Variants in GIGYF2 observed in about 807,000 individuals in gnomAD.
GIGYF2 encodes the protein GRB10 interacting GYF protein 2.
In GIGYF2, 25 loss-of-function variants were observed where a neutral mutation model predicts 208.1. The ratio of observed to expected loss-of-function variants is 0.12; its 90% CI spans 0.09 to 0.17. GIGYF2 has a LOEUF of 0.17. Among genes scored for constraint, GIGYF2 ranks in the 10% least tolerant of loss-of-function variants. The pLI, the probability that GIGYF2 is intolerant of heterozygous loss-of-function variation, is 1.00. For synonymous variants in GIGYF2, 534 were observed against 543.8 expected (o/e 0.98, Z 0.25); for missense variants, 1,302 against 1,579.4 (o/e 0.82, Z 2.98).
intron 2 of GIGYF2, chr2:232,722,596 C>T (rs1696996330): frequency 6.6e-6 from 1 of 152,156 alleles, no homozygotes; most frequent in African/African-American, 2.4e-5. Context: ...GAATTGGAGA[C>T]TGGCACAGAA....
At chr2:232,789,671 G>T (rs283475) in intron 9 of GIGYF2, among the ~76,000 whole-genome samples, 51,187 of 151,826 alleles carry the variant, frequency 0.34, 8,983 homozygotes, top group South Asian at 0.62. Flanking sequence ...TTTTTGCAAA[G>T]TTTGTCTCAA....
At chr2:232,855,310 A>G (rs528604898) in intron 28 of GIGYF2, among the ~76,000 whole-genome samples, 1 of 151,564 alleles carries the variant, frequency 6.6e-6, no homozygotes, top group South Asian at 2.1e-4. Context: ...CTGGTCTCTA[A>G]CTCCTGGCCT....
intron 2 of GIGYF2, among the ~76,000 whole-genome samples, chr2:232,703,843 A>G (rs1336759553): frequency 6.6e-6 from 1 of 152,228 alleles, no homozygotes; most frequent in Non-Finnish European, 1.5e-5. Flanking sequence ...ACTTGTAGAT[A>G]GCACTTTTTT....
intron 8 of GIGYF2, among the ~76,000 whole-genome samples, chr2:232,772,805 A>G (rs140233969): frequency 6.6e-5 from 10 of 152,120 alleles, no homozygotes; most frequent in Non-Finnish European, 1.3e-4. Flanking sequence ...CCTGCCTTTT[A>G]ATGGGGCTTG....
At chr2:232,845,599 T>C in intron 25 of GIGYF2, 133 bp from the exon 26 acceptor site, 1 of 794,468 alleles carries the variant, frequency 1.3e-6, no homozygotes, top group Non-Finnish European at 2.1e-6. Context: ...ATTTTTTTCT[T>C]TTTTGGAGCC....
intron 14 of GIGYF2, among the ~76,000 whole-genome samples, chr2:232,797,981 CAAAAAAAAA>C (rs57991158): frequency 0.042 from 4,285 of 102,328 alleles, 236 homozygotes; most frequent in East Asian, 0.25. Context: ...ACTGTGCCTC[CAAAAAAAAA>C]AAAAAAAAAA....
chr2:232,851,904 G>T (rs1261045659), intron 28 of GIGYF2, among the ~76,000 whole-genome samples: 1 of 152,152 alleles, frequency 6.6e-6, no homozygotes, highest in Non-Finnish European at 1.5e-5. Flanking sequence ...TTTGGTAGTG[G>T]GGATGAAAAG....
intron 3 of GIGYF2, among the ~76,000 whole-genome samples, chr2:232,738,023 T>G (rs1415351962): frequency 6.6e-6 from 1 of 151,378 alleles, no homozygotes; most frequent in Admixed American, 6.6e-5. Context: ...TTCAAGTGAT[T>G]CTTCTCCCTC....
intron 8 of GIGYF2, chr2:232,768,223 A>G (rs1699055963): frequency 7.4e-6 from 12 of 1,614,004 alleles, no homozygotes; most frequent in African/African-American, 1.3e-5. Context: ...GAGATCTGAA[A>G]ATTGTCAATG....
At chr2:232,741,971 G>A (rs1407746511) in intron 3 of GIGYF2, among the ~76,000 whole-genome samples, 7 of 151,946 alleles carry the variant, frequency 4.6e-5, no homozygotes, top group Non-Finnish European at 8.8e-5. Context: ...CCCTTCCTCC[G>A]ACTCTCTTTC....
chr2:232,710,466 C>G (rs1696338688), intron 2 of GIGYF2, among the ~76,000 whole-genome samples: 2 of 152,144 alleles, frequency 1.3e-5, no homozygotes, highest in South Asian at 4.1e-4. Context: ...TTAAACCCAG[C>G]AAATGTTTAA....
intron 21 of GIGYF2, among the ~76,000 whole-genome samples, chr2:232,831,100 T>A (rs1180652757): frequency 6.6e-6 from 1 of 152,174 alleles, no homozygotes; most frequent in East Asian, 1.9e-4. Flanking sequence ...GGTACACGTA[T>A]TGCCAACAGT....
Position 232,791,404 on chromosome 2 carries a change from A to G in GIGYF2, c.1240A>G (p.Met414Val), listed in dbSNP as rs1330024342. The G allele has an allele frequency of 1.2e-6, 2 of 1,613,966 alleles. No homozygotes were observed. Among genetic ancestry groups the G allele is most frequent in the Non-Finnish European group, 1.7e-6 (2 of 1,180,002 alleles). The change falls in exon 12 of 29, where the codon ATG becomes GTG. Residue 414 changes from methionine (M) to valine (V), a missense_variant. By Grantham distance (21) the Met-to-Val change is conservative (BLOSUM62 1). Around this residue, in one of 8 missense-constraint regions of GIGYF2, gnomAD observed 235 missense variants for 218.8 expected, o/e 1.07. Transcript: ENST00000373563. ...GGAAAAAGCTGAAGAGGAGACTCGG[A>G]TGGAAAATAGTCTACCAGCCAAAGT... ...QTEKAEEETR[M>V]ENSLPAKVPS...
chr2:232,708,513 G>C (rs561454781), intron 2 of GIGYF2, among the ~76,000 whole-genome samples: 5 of 152,134 alleles, frequency 3.3e-5, no homozygotes, highest in South Asian at 2.1e-4. Context: ...AAGCTTGAGG[G>C]CTTTTGAACA....
At chr2:232,788,657 G>T (rs1699987282) in intron 9 of GIGYF2, 1 of 433,946 alleles carries the variant, frequency 2.3e-6, no homozygotes, top group African/African-American at 2.0e-5. Context: ...CTATTAAAGG[G>T]AGTTTAACAA....
In GIGYF2 at chr2:232,768,231, A is replaced by G. The variant is rs545594184; in HGVS notation, c.532+6795A>G. 93 of 1,614,138 alleles carry G rather than the reference A, an allele frequency of 5.8e-5. No individual in the cohort carries two copies. The highest frequency in any genetic ancestry group is 1.1e-4 in the East Asian group (5 of 44,880). Reference sequence around the variant, plus strand: ...TGTTTCAGAGATCTGAAAATTGTCAATGCTTTGTCCATTGATGTGGATATC... The same window carrying G: ...TGTTTCAGAGATCTGAAAATTGTCAGTGCTTTGTCCATTGATGTGGATATC... On this transcript the variant is annotated intron_variant, in intron 8 of 28. Coordinates refer to ENST00000373563, the MANE Select transcript of GIGYF2 (RefSeq NM_001103146.3).
At position 232,816,947 on chromosome 2, in the gene GIGYF2, G is replaced by A. The variant is rs759679922; in HGVS notation, c.2285G>A (p.Arg762Gln). ...GAGCGAAAGAGGCAGGAAGAACTCC[G>A]AAGACAACAGGAGGAAATTCTTCGG... ...EEERKRQEEL[R>Q]RQQEEILRRQ... is the part of the protein sequence containing the mutation. Residue 762 changes from arginine (R) to glutamine (Q), a missense_variant, in exon 20 of 29, where the codon CGA (arginine) becomes CAA (glutamine). Arg to Gln is a conservative substitution (Grantham distance 43, BLOSUM62 1). Coordinates refer to ENST00000373563, the MANE Select transcript of GIGYF2 (RefSeq NM_001103146.3). The A allele has an allele frequency of 2.4e-5, 38 of 1,612,052 alleles. No homozygotes were observed. Among genetic ancestry groups the A allele is most frequent in the Non-Finnish European group, 3.0e-5 (35 of 1,178,236 alleles).
At chr2:232,837,349 TC>T (rs1451416184) in intron 22 of GIGYF2, among the ~76,000 whole-genome samples, 2 of 152,252 alleles carry the variant, frequency 1.3e-5, no homozygotes, top group East Asian at 3.8e-4. Flanking sequence ...GGAGAGTAGG[TC>T]TTGGTTTAAG....
Position 232,847,532 on chromosome 2 carries a change from G to T in GIGYF2, c.3645G>T (p.Gln1215His). ...QQQQLPQQQQ[Q>H]QPPQQPPQQP... ...AGCAGCTGCCACAGCAGCAGCAGCA[G>T]CAGCCGCCACAGCAGCCGCCACAGC... Residue 1215 changes from glutamine (Q) to histidine (H), a missense_variant, in exon 27 of 29, where the codon CAG (glutamine) becomes CAT (histidine). Around this residue, in one of 8 missense-constraint regions of GIGYF2, gnomAD observed 701 missense variants for 793.0 expected, o/e 0.88. Transcript: ENST00000373563. 6.2e-7 allele frequency: 1 copy of T among 1,600,306 alleles called. No individual in the cohort carries two copies.
Sources: gnomAD v4.1 joint callset for allele counts (sites outside exome capture counted in the v4.1 genomes callset) on GRCh38, gnomAD v4.1.1 for gene constraint, gnomAD v4.1.1 regional missense constraint, MANE v1.5 for transcripts, NCBI Gene and HGNC (gene_info 2026-07-23, HGNC 2026-07-21) for gene names.